The following FCHSD2 variants were observed in gnomAD, a reference collection of about 807,000 sequenced individuals.
The protein encoded by FCHSD2 is FCH and double SH3 domains 2, also known as F-BAR and double SH3 domains protein 2.
A neutral mutation model predicts 108.1 loss-of-function variants in FCHSD2; 38 were observed. The observed-to-expected ratio is 0.35, with a 90% CI of 0.27 to 0.46. The LOEUF (loss-of-function observed/expected upper bound fraction) is 0.46. Ranked by LOEUF, FCHSD2 falls within the 20% of genes least tolerant of loss-of-function variation. The probability of loss-of-function intolerance (pLI) is 1.00; values close to 1 mark genes in which losing one functional copy is unlikely to be tolerated. For missense variants in FCHSD2, 751 were observed against 897.8 expected (o/e 0.84, Z 2.09); for synonymous variants, 279 against 314.7 (o/e 0.89, Z 1.20).
intron 8 of FCHSD2, among the ~76,000 whole-genome samples, chr11:72,955,760 C>G (rs944067603): frequency 3.7e-4 from 57 of 152,026 alleles, no homozygotes; most frequent in African/African-American, 1.3e-3. Flanking sequence ...GGTCAGAGAC[C>G]AAATATAGGA....
At chr11:72,989,585 C>T (rs1857372621) in intron 5 of FCHSD2, among the ~76,000 whole-genome samples, 1 of 152,110 alleles carries the variant, frequency 6.6e-6, no homozygotes, top group African/African-American at 2.4e-5. Context: ...CCAAGGTGAA[C>T]AAGAGAAGCA....
intron 12 of FCHSD2, among the ~76,000 whole-genome samples, chr11:72,879,891 T>C (rs571059348): frequency 2.7e-4 from 41 of 150,292 alleles, no homozygotes; most frequent in Admixed American, 2.1e-3. Context: ...CCCAGCTACT[T>C]GAGAGACTGA....
At chr11:73,040,887 TC>T (rs1015592588) in intron 3 of FCHSD2, among the ~76,000 whole-genome samples, 7 of 150,656 alleles carry the variant, frequency 4.6e-5, no homozygotes, top group South Asian at 2.1e-4. Flanking sequence ...CACAAACTGC[TC>T]CCCCCCCTCT....
chr11:73,125,352 G>T (rs1860828089), intron 2 of FCHSD2, among the ~76,000 whole-genome samples: 1 of 152,214 alleles, frequency 6.6e-6, no homozygotes, highest in African/African-American at 2.4e-5. Context: ...TTAGACCATT[G>T]TAAGGTCGTA....
Position 73,032,014 on chromosome 11 carries a change from A to G in FCHSD2, c.166-16129T>C, listed in dbSNP as rs76518939. ...AACTATTAACTAAATTATGGTCATC[A>G]GTATGCTGCAATGTTACACAATTAT... On this transcript the variant is annotated intron_variant, in intron 3 of 19. Transcript: ENST00000409418. Among the ~76,000 whole-genome samples, 1,057 of 152,324 alleles carry G rather than the reference A, an allele frequency of 6.9e-3. 21 individuals carry two copies. Among genetic ancestry groups the G allele is most frequent in the African/African-American group, 0.024 (993 of 41,576 alleles).
At chr11:72,867,729 G>T (rs1222651889) in intron 13 of FCHSD2, 136 bp downstream of exon 13, 5 of 669,750 alleles carry the variant, frequency 7.5e-6, no homozygotes, top group Non-Finnish European at 7.4e-6. Flanking sequence ...ATTAGTGATA[G>T]GCTGAAGAAT....
chr11:73,112,432 C>T (rs1250490459), intron 2 of FCHSD2, among the ~76,000 whole-genome samples: 4 of 152,122 alleles, frequency 2.6e-5, no homozygotes, highest in Non-Finnish European at 4.4e-5. Flanking sequence ...TTATCCTTGA[C>T]ATTTGGGAGT....
chr11:73,121,175 A>AC (rs1491194028), intron 2 of FCHSD2, among the ~76,000 whole-genome samples: 1 of 138,274 alleles, frequency 7.2e-6, no homozygotes. Flanking sequence ...ACATACACAT[A>AC]CACACACACA....
intron 8 of FCHSD2, among the ~76,000 whole-genome samples, chr11:72,973,467 T>C (rs1191956045): frequency 1.3e-5 from 2 of 152,162 alleles, no homozygotes; most frequent in East Asian, 1.9e-4. Flanking sequence ...CAAAGAAAGT[T>C]AAAAATTCAT....
intron 3 of FCHSD2, among the ~76,000 whole-genome samples, chr11:73,038,535 T>C (rs1230339112): frequency 1.3e-5 from 2 of 152,286 alleles, no homozygotes; most frequent in East Asian, 1.9e-4. Flanking sequence ...AATGAAATCT[T>C]GTCCTTTGTA....
intron 9 of FCHSD2, among the ~76,000 whole-genome samples, chr11:72,907,828 C>T (rs921948188): frequency 3.3e-5 from 5 of 151,938 alleles, no homozygotes; most frequent in Non-Finnish European, 5.9e-5. Flanking sequence ...CTCCTGACCT[C>T]GTCATCTGCC....
chr11:73,135,622 C>T (rs1234757194), intron 2 of FCHSD2, among the ~76,000 whole-genome samples: 1 of 152,126 alleles, frequency 6.6e-6, no homozygotes, highest in African/African-American at 2.4e-5. Flanking sequence ...AAAGTAGACT[C>T]TACTTGTCTA....
chr11:73,123,960 T>C (rs1263072696), intron 2 of FCHSD2, among the ~76,000 whole-genome samples: 9 of 152,206 alleles, frequency 5.9e-5, no homozygotes. Flanking sequence ...CTTAATATTG[T>C]ATAAGGTGTA....
At chr11:72,860,671 C>T (rs1048165740) in intron 13 of FCHSD2, among the ~76,000 whole-genome samples, 1 of 151,842 alleles carries the variant, frequency 6.6e-6, no homozygotes, top group Non-Finnish European at 1.5e-5. Flanking sequence ...ATAGTGAGAC[C>T]CCATCTCTAC....
At chr11:73,053,966 T>A (rs899277109) in intron 3 of FCHSD2, among the ~76,000 whole-genome samples, 1 of 152,214 alleles carries the variant, frequency 6.6e-6, no homozygotes, top group Non-Finnish European at 1.5e-5. Context: ...TTTATTGTAT[T>A]TTACAAAAAT....
intron 2 of FCHSD2, among the ~76,000 whole-genome samples, chr11:73,086,201 G>A (rs1406418268): frequency 6.6e-6 from 1 of 152,132 alleles, no homozygotes; most frequent in East Asian, 1.9e-4. Flanking sequence ...TTGAGGCCAG[G>A]AGTTTAAGAC....
chr11:72,849,741 G>A lies in FCHSD2; in HGVS notation c.1443+14C>T, dbSNP rs1451804154. ...AATCAGAATTTAATAACATTATGTT[G>A]GAGAAATACAAACCTTGTAGGAATA... On this transcript the variant is annotated intron_variant, in intron 14 of 19. Coordinates refer to ENST00000409418, the MANE Select transcript of FCHSD2 (RefSeq NM_014824.3). 2 of 1,591,312 alleles carry A rather than the reference G, an allele frequency of 1.3e-6. No homozygotes were observed. Among genetic ancestry groups the A allele is most frequent in the South Asian group, 1.1e-5 (1 of 89,874 alleles).
In FCHSD2 at chr11:73,142,020, G is replaced by A. The variant is rs1047013301; in HGVS notation, c.-143C>T. On this transcript the variant is annotated 5_prime_UTR_variant, in exon 1 of 20. Coordinates refer to ENST00000409418, the MANE Select transcript of FCHSD2 (RefSeq NM_014824.3). The stretch of plus-strand genomic sequence containing the variant: ...TAAGAAGCAAGACTTGCCCCGGAGG[G>A]AGCAGGCCAGCGGGCGGCAGGCGGA... 1.1e-5 allele frequency: 8 copies of A among 760,438 alleles called. No homozygotes were observed. Among genetic ancestry groups the A allele is most frequent in the Admixed American group, 5.7e-5 (2 of 34,948 alleles). 47.1% of individuals were successfully genotyped at this position (760,438 alleles called of 1,614,324 possible). A position where few individuals can be genotyped will look rare whatever the true frequency, so the allele number is the denominator to read the frequency against.
chr11:72,846,173 CT>C (rs1861135970), intron 14 of FCHSD2, among the ~76,000 whole-genome samples: 1 of 150,454 alleles, frequency 6.6e-6, no homozygotes, highest in Admixed American at 6.6e-5. Context: ...GCTGCTCCTC[CT>C]TTTGCTCTTT....
Sources: allele counts gnomAD v4.1 joint callset (sites outside exome capture counted in the v4.1 genomes callset), GRCh38; gene constraint gnomAD v4.1.1; transcripts MANE v1.5; gene names NCBI Gene and HGNC (gene_info 2026-07-23, HGNC 2026-07-21).